The following PRPF6 variants were observed in gnomAD, a reference collection of about 807,000 sequenced individuals.
PRPF6 encodes the protein pre-mRNA-processing factor 6.
In PRPF6, 42 loss-of-function variants were observed where a neutral mutation model predicts 118.3. That is an observed-to-expected ratio of 0.35 (90% CI 0.28 to 0.46). The LOEUF is 0.46. Ranked by LOEUF, PRPF6 falls within the 20% of genes least tolerant of loss-of-function variation. The probability of loss-of-function intolerance (pLI) is 1.00; values close to 1 mark genes in which losing one functional copy is unlikely to be tolerated. For missense variants in PRPF6, 662 were observed against 1,255.7 expected (o/e 0.53, Z 7.15); for synonymous variants, 481 against 485.1 (o/e 0.99, Z 0.11).
chr20:64,023,610 T>C (rs1325887630), intron 13 of PRPF6, among the ~76,000 whole-genome samples: 1 of 152,186 alleles, frequency 6.6e-6, no homozygotes, highest in Non-Finnish European at 1.5e-5. Flanking sequence ...CTTCAGGGTG[T>C]CTTTCCATGT....
At chr20:63,981,359 A>G (rs1166764685) in intron 1 of PRPF6, 43 bp downstream of exon 1, 10 of 1,534,862 alleles carry the variant, frequency 6.5e-6, no homozygotes, top group Admixed American at 2.0e-5. Context: ...ACCCGGCTAC[A>G]GGAGCGCAGT....
At chr20:64,010,447 G>A in intron 10 of PRPF6, 129 bp downstream of exon 10, 1 of 818,392 alleles carries the variant, frequency 1.2e-6, no homozygotes, top group South Asian at 1.4e-5. Context: ...GGGAGCAGAA[G>A]GCCCTGTGGA....
Position 64,032,945 on chromosome 20 carries a change from C to G in PRPF6, c.2778C>G (p.Ile926Met). The G allele has an allele frequency of 6.2e-7, 1 of 1,613,434 alleles. No individual in the cohort carries two copies. Among genetic ancestry groups the G allele is most frequent in the South Asian group, 1.1e-5 (1 of 91,084 alleles). The change falls in exon 21 of 21, where the codon ATC becomes ATG. Residue 926 changes from isoleucine to methionine, a missense_variant. Coordinates refer to ENST00000266079, the MANE Select transcript of PRPF6 (RefSeq NM_012469.4). The stretch of plus-strand genomic sequence containing the variant: ...ACATCGCCAACTGGCAGAAGAAGAT[C>G]GGGGACATCCTTAGGCTGGTGGCCG... ...SKDIANWQKK[I>M]GDILRLVAGR...
At chr20:64,020,639 T>G (rs988085412) in intron 12 of PRPF6, among the ~76,000 whole-genome samples, 1 of 152,072 alleles carries the variant, frequency 6.6e-6, no homozygotes, top group African/African-American at 2.4e-5. Context: ...TTCTTGAGTA[T>G]AGGGAAAAAA....
chr20:64,011,549 T>C lies in PRPF6; in HGVS notation c.1524+46T>C, dbSNP rs370617059. 24 of 1,560,922 alleles carry C rather than the reference T, an allele frequency of 1.5e-5. No homozygotes were observed. In the African/African-American group the frequency reaches 3.1e-4, roughly 20 times the overall value. On this transcript the variant is annotated intron_variant, in intron 11 of 20. Coordinates refer to ENST00000266079, the MANE Select transcript of PRPF6 (RefSeq NM_012469.4). This position sits in a 1 kb window ranked among gnomAD's most constrained non-coding sequence, Gnocchi z 6.7. ...GTGGTGTCTGCTTTAACAGTGCACA[T>C]GCAGCACGTGAGAGTCCCACGCAGG...
intron 1 of PRPF6, among the ~76,000 whole-genome samples, chr20:63,981,603 G>C (rs570118107): frequency 2.0e-5 from 3 of 152,058 alleles, no homozygotes; most frequent in East Asian, 1.9e-4. Flanking sequence ...CTGACGTGTA[G>C]TGGAAACACG....
Position 64,029,896 on chromosome 20 carries a change from G to A in PRPF6, c.2546+405G>A, listed in dbSNP as rs541030323. Among the ~76,000 whole-genome samples the A allele has an allele frequency of 9.3e-4, 138 of 148,756 alleles. 1 individual carries two copies. Among genetic ancestry groups the A allele is most frequent in the African/African-American group, 3.3e-3 (131 of 39,822 alleles). On this transcript the variant is annotated intron_variant, in intron 19 of 20. Transcript: ENST00000266079. This position sits in a 1 kb window ranked among gnomAD's most constrained non-coding sequence, Gnocchi z 4.8. The stretch of plus-strand genomic sequence containing the variant: ...GATTCACACTGGTGCGCTGGCCGCC[G>A]GGTCAGAGACTCACTGGGGACACAT...
rs1203577469 is a variant in PRPF6 at position 64,028,765 on chromosome 20, G to A, written c.2431+196G>A. On this transcript the variant is annotated intron_variant, in intron 18 of 20. Coordinates refer to ENST00000266079, the MANE Select transcript of PRPF6 (RefSeq NM_012469.4). The surrounding 1 kb of genome is among the most constrained non-coding windows in gnomAD (Gnocchi z 6.5). ...TGAATCATTTCAGTCAAAAGTTTCAGCTATACTCGGCCGTTAAGACAACTT... is the reference window on the plus strand; with the variant it reads ...TGAATCATTTCAGTCAAAAGTTTCAACTATACTCGGCCGTTAAGACAACTT... Among the ~76,000 whole-genome samples, 2 of 152,222 alleles carry A rather than the reference G, an allele frequency of 1.3e-5. No individual in the cohort carries two copies. The highest frequency in any genetic ancestry group is 2.9e-5 in the Non-Finnish European group (2 of 68,046).
chr20:64,018,401 C>T lies in PRPF6; in HGVS notation c.1647+1556C>T, dbSNP rs541254930. On this transcript the variant is annotated intron_variant, in intron 12 of 20. Coordinates refer to ENST00000266079, the MANE Select transcript of PRPF6 (RefSeq NM_012469.4). ...CATCTGGTTCTCTGTGGTGTCTCCTCCGGGTTGGGTTGAGGCTTCTTGGTG... is the reference window on the plus strand; with the variant it reads ...CATCTGGTTCTCTGTGGTGTCTCCTTCGGGTTGGGTTGAGGCTTCTTGGTG... Among the ~76,000 whole-genome samples, 4 of 152,162 alleles carry T rather than the reference C, an allele frequency of 2.6e-5. No individual in the cohort carries two copies. In the South Asian group the frequency reaches 8.3e-4, roughly 32 times the overall value.
At chr20:63,988,319 CAAA>C (rs544577872) in intron 3 of PRPF6, among the ~76,000 whole-genome samples, 2 of 114,164 alleles carry the variant, frequency 1.8e-5, no homozygotes, top group African/African-American at 6.4e-5. Flanking sequence ...GACTCTGTCT[CAAA>C]AAAAAAAAAA....
intron 2 of PRPF6, among the ~76,000 whole-genome samples, chr20:63,983,819 A>AATTTTGTATTTTT (rs1251196622): frequency 6.6e-6 from 1 of 151,820 alleles, no homozygotes; most frequent in Non-Finnish European, 1.5e-5. Flanking sequence ...ATGCCTGGCT[A>AATTTTGTATTTTT]ATTTTGTATT....
In PRPF6 at chr20:64,001,167, T is replaced by G; in HGVS notation, c.1114T>G (p.Ser372Ala). The G allele has an allele frequency of 6.2e-7, 1 of 1,614,166 alleles. No homozygotes were observed. Among genetic ancestry groups the G allele is most frequent in the Non-Finnish European group, 8.5e-7 (1 of 1,180,014 alleles). ...VAQAVRHLPQ[S>A]VRIYIRAAEL... The stretch of plus-strand genomic sequence containing the variant: ...CCAAGCTGTCCGTCATCTCCCACAG[T>G]CTGTCAGGATTTACATCAGAGCCGC... Residue 372 changes from serine (S) to alanine (A), a missense_variant, in exon 9 of 21, where the codon TCT (serine) becomes GCT (alanine). Coordinates refer to ENST00000266079, the MANE Select transcript of PRPF6 (RefSeq NM_012469.4).
At chr20:63,988,412 G>T (rs1007444377) in intron 3 of PRPF6, among the ~76,000 whole-genome samples, 1 of 149,446 alleles carries the variant, frequency 6.7e-6, no homozygotes, top group African/African-American at 2.5e-5. Flanking sequence ...CAGGAGAATC[G>T]CTTGAACCCA....
chr20:64,001,504 G>A (rs981618446), intron 9 of PRPF6, among the ~76,000 whole-genome samples: 4 of 152,180 alleles, frequency 2.6e-5, no homozygotes, highest in African/African-American at 4.8e-5. Context: ...ATGCTTGGGC[G>A]GTCACTCTGG....
chr20:64,026,168 AC>A lies in PRPF6; in HGVS notation c.2028+112del. 1 of 1,528,426 alleles carries A rather than the reference AC, an allele frequency of 6.5e-7. No individual in the cohort carries two copies. The allele number at this position is 1,528,426 out of a possible 1,614,324, so 94.7% of individuals were successfully genotyped here. A position where few individuals can be genotyped will look rare whatever the true frequency, so the allele number is the denominator to read the frequency against. On this transcript the variant is annotated intron_variant, in intron 15 of 20. Coordinates refer to ENST00000266079, the MANE Select transcript of PRPF6 (RefSeq NM_012469.4). This position sits in a 1 kb window ranked among gnomAD's most constrained non-coding sequence, Gnocchi z 4.4. Reference sequence around the variant, plus strand: ...AGTGAGATGACGGCAGGCAAACGAGACCACAGCACACTCATCTTTGTGATGT... The same window carrying A: ...AGTGAGATGACGGCAGGCAAACGAGACACAGCACACTCATCTTTGTGATGT...
At chr20:64,021,523 A>G (rs374818275) in intron 12 of PRPF6, among the ~76,000 whole-genome samples, 21 of 139,312 alleles carry the variant, frequency 1.5e-4, no homozygotes, top group African/African-American at 5.6e-4. Flanking sequence ...GCATGTATGC[A>G]TATGCCTCAG....
At position 64,011,173 on chromosome 20, in the gene PRPF6, G is replaced by A. The variant is rs1165548855; in HGVS notation, c.1306-112G>A. ...CTCAGGCCATGTTCAGATGGTTCTC[G>A]AGAGCTAAGAAAGAACGTGGTGGCC... is the stretch of plus-strand genomic sequence containing the variant. On this transcript the variant is annotated intron_variant, in intron 10 of 20. Transcript: ENST00000266079. This position sits in a 1 kb window ranked among gnomAD's most constrained non-coding sequence, Gnocchi z 6.7. 7.7e-6 allele frequency: 7 copies of A among 913,656 alleles called. No individual in the cohort carries two copies. Among genetic ancestry groups the A allele is most frequent in the Admixed American group, 2.0e-5 (1 of 50,478 alleles). 56.6% of individuals were successfully genotyped at this position (913,656 alleles called of 1,614,324 possible).
intron 4 of PRPF6, among the ~76,000 whole-genome samples, chr20:63,994,695 T>C (rs1382980552): frequency 1.3e-5 from 2 of 152,142 alleles, no homozygotes; most frequent in Non-Finnish European, 2.9e-5. Flanking sequence ...CACTTGAGCC[T>C]GGGAGGTTGA....
At chr20:63,982,382 G>C (rs2059073706) in intron 1 of PRPF6, among the ~76,000 whole-genome samples, 1 of 151,698 alleles carries the variant, frequency 6.6e-6, no homozygotes, top group Non-Finnish European at 1.5e-5. Flanking sequence ...ATGTTGGCCA[G>C]GGGGGTCTTG....
Sources: allele counts gnomAD v4.1 joint callset (sites outside exome capture counted in the v4.1 genomes callset), GRCh38; gene constraint gnomAD v4.1.1; non-coding constraint Gnocchi (gnomAD v3.1); transcripts MANE v1.5; gene names NCBI Gene and HGNC (gene_info 2026-07-23, HGNC 2026-07-21).